Variants in SLC25A26 observed in about 807,000 individuals in gnomAD.
The protein encoded by SLC25A26 is mitochondrial S-adenosylmethionine carrier protein.
SLC25A26 carries 36 observed loss-of-function variants against 37.8 expected under a neutral mutation model. The observed-to-expected ratio is 0.95, with a 90% CI of 0.73 to 1.26. The LOEUF is 1.26. Among genes scored for constraint, SLC25A26 ranks in the 50% most tolerant of loss-of-function variants. SLC25A26 has a pLI of 0.00. For synonymous variants in SLC25A26, 129 were observed against 122.5 expected (o/e 1.05, Z -0.35); for missense variants, 390 against 331.1 (o/e 1.18, Z -1.38).
chr3:66,352,860 C>T (rs17044348), intron 6 of SLC25A26, among the ~76,000 whole-genome samples: 18,723 of 152,108 alleles, frequency 0.12, 2,150 homozygotes, highest in East Asian at 0.63. Flanking sequence ...GAGACGTTCC[C>T]GGTCTACCCC....
intron 1 of SLC25A26, among the ~76,000 whole-genome samples, chr3:66,189,646 A>G (rs2070897973): frequency 6.6e-6 from 1 of 152,162 alleles, no homozygotes. Flanking sequence ...TTACACATGT[A>G]CTGTGTGCTT....
At chr3:66,315,382 C>T (rs1215294231) in intron 5 of SLC25A26, among the ~76,000 whole-genome samples, 1 of 152,050 alleles carries the variant, frequency 6.6e-6, no homozygotes, top group African/African-American at 2.4e-5. Flanking sequence ...ATCATTTAGC[C>T]AGTAGTCTCA....
chr3:66,235,748 G>C (rs1298017389), intron 1 of SLC25A26, among the ~76,000 whole-genome samples: 1 of 152,110 alleles, frequency 6.6e-6, no homozygotes, highest in Admixed American at 6.5e-5. Flanking sequence ...TCTTTTTAAA[G>C]AAAATGAGAC....
intron 5 of SLC25A26, among the ~76,000 whole-genome samples, chr3:66,334,021 G>T (rs1419819899): frequency 1.3e-5 from 2 of 152,072 alleles, no homozygotes; most frequent in Non-Finnish European, 2.9e-5. Context: ...ATCTTTTTGG[G>T]CCTAGATTTT....
chr3:66,145,883 G>A (rs1042538927), intron 1 of SLC25A26, among the ~76,000 whole-genome samples: 1 of 143,752 alleles, frequency 7.0e-6, no homozygotes, highest in Non-Finnish European at 1.5e-5. Flanking sequence ...TTTTGTAATT[G>A]TTTTGAAAAA....
At chr3:66,207,082 G>C (rs1040808779) in intron 1 of SLC25A26, among the ~76,000 whole-genome samples, 1 of 151,508 alleles carries the variant, frequency 6.6e-6, no homozygotes, top group South Asian at 2.1e-4. Flanking sequence ...CAAAAGACTC[G>C]GTAGGCTTTA....
chr3:66,345,404 C>T (rs1053945461), intron 5 of SLC25A26, among the ~76,000 whole-genome samples: 10 of 152,046 alleles, frequency 6.6e-5, no homozygotes, highest in Non-Finnish European at 4.4e-5. Flanking sequence ...CTCCACCTGC[C>T]CTTGCCCTCT....
intron 5 of SLC25A26, among the ~76,000 whole-genome samples, chr3:66,283,336 G>A (rs957438261): frequency 1.3e-5 from 2 of 152,110 alleles, no homozygotes; most frequent in African/African-American, 4.8e-5. Context: ...CAGGCTGAGT[G>A]CAGTGGCGCA....
chr3:66,141,315 C>T (rs1046707357), intron 1 of SLC25A26, among the ~76,000 whole-genome samples: 12 of 151,516 alleles, frequency 7.9e-5, no homozygotes, highest in African/African-American at 2.9e-4. Flanking sequence ...GTGGTCTGGC[C>T]TCGAGGGCTC....
intron 1 of SLC25A26, among the ~76,000 whole-genome samples, chr3:66,198,698 G>C (rs950844729): frequency 6.6e-6 from 1 of 150,848 alleles, no homozygotes; most frequent in Non-Finnish European, 1.5e-5. Flanking sequence ...CACTGAATCC[G>C]ACCCGCATCT....
In SLC25A26 at chr3:66,150,294, T is replaced by C. The variant is rs964975746; in HGVS notation, c.-354+16310T>C. Among the ~76,000 whole-genome samples the C allele has an allele frequency of 1.8e-3, 274 of 151,300 alleles. 4 individuals are homozygous for C. Among genetic ancestry groups the C allele is most frequent in the East Asian group, 1.4e-3 (7 of 5,100 alleles). ...GGGCAGATCTCATGAGGTCAGGAGT[T>C]CAAGACCAGCCTGGCCAACATGATG... On this transcript the variant is annotated intron_variant, in intron 1 of 10. Transcript: ENST00000676754.
intron 5 of SLC25A26, among the ~76,000 whole-genome samples, chr3:66,310,533 G>T (rs983992750): frequency 6.6e-6 from 1 of 151,878 alleles, no homozygotes; most frequent in Non-Finnish European, 1.5e-5. Context: ...AATTCGATCT[G>T]TCATGATGCT....
intron 5 of SLC25A26, among the ~76,000 whole-genome samples, chr3:66,308,536 A>T (rs747333001): frequency 6.6e-6 from 1 of 152,124 alleles, no homozygotes; most frequent in Non-Finnish European, 1.5e-5. Context: ...TTCCAGTACT[A>T]TGTTGAATAG....
At chr3:66,356,817 C>T (rs1205377186) in intron 6 of SLC25A26, among the ~76,000 whole-genome samples, 1 of 151,990 alleles carries the variant, frequency 6.6e-6, no homozygotes, top group Admixed American at 6.6e-5. Flanking sequence ...TTTGTAGAGA[C>T]AGGGTCTCCC....
In SLC25A26 at chr3:66,243,235, A is replaced by G. The variant is rs2072665990; in HGVS notation, c.223A>G (p.Lys75Glu). The G allele has an allele frequency of 6.2e-7, 1 of 1,608,698 alleles. No homozygotes were observed. The highest frequency in any genetic ancestry group is 1.3e-5 in the African/African-American group (1 of 74,818). The change falls in exon 3 of 10, where the codon AAG (lysine) becomes GAG (glutamate). Residue 75 changes from lysine (K) to glutamate (E), a missense_variant. Coordinates refer to ENST00000354883, the MANE Select transcript of SLC25A26 (RefSeq NM_001379210.1). ...AAFFITYEYVKWFLHADSSSY... is the reference protein window; with the variant it reads ...AAFFITYEYVEWFLHADSSSY... ...ATTTTTTATCACCTATGAATATGTG[A>G]AGTGGTTTTTGCATGCTGATTCATC...
At chr3:66,299,350 G>A (rs1042337701) in intron 5 of SLC25A26, among the ~76,000 whole-genome samples, 1 of 152,036 alleles carries the variant, frequency 6.6e-6, no homozygotes, top group Non-Finnish European at 1.5e-5. Context: ...GTGCCACCAT[G>A]CCTGGCTAAT....
chr3:66,150,606 A>G (rs1360172755), intron 1 of SLC25A26, among the ~76,000 whole-genome samples: 19 of 1,526 alleles, frequency 0.012, no homozygotes, highest in African/African-American at 0.06. Context: ...GTAATGAGAT[A>G]TATATATATA....
chr3:66,307,173 C>T (rs953670948), intron 5 of SLC25A26, among the ~76,000 whole-genome samples: 22 of 152,210 alleles, frequency 1.4e-4, no homozygotes, highest in African/African-American at 5.1e-4. Context: ...TCTGTTGTTT[C>T]CTGACTCTTT....
intron 5 of SLC25A26, among the ~76,000 whole-genome samples, chr3:66,276,024 TGTA>T (rs368965250): frequency 1.6e-4 from 24 of 152,260 alleles, no homozygotes; most frequent in African/African-American, 3.6e-4. Context: ...GAAGGTCAAA[TGTA>T]GTTTTTTAGA....
Sources: allele counts gnomAD v4.1 joint callset (sites outside exome capture counted in the v4.1 genomes callset), GRCh38; gene constraint gnomAD v4.1.1; transcripts MANE v1.5; gene names NCBI Gene and HGNC (gene_info 2026-07-23, HGNC 2026-07-21).